PCBD2: variants seen among roughly 807,000 people sequenced by gnomAD.
The protein encoded by PCBD2 is pterin-4-alpha-carbinolamine dehydratase 2.
PCBD2 carries 12 observed loss-of-function variants against 16.4 expected under a neutral mutation model. The observed-to-expected ratio is 0.73, with a 90% CI of 0.47 to 1.19. The LOEUF (loss-of-function observed/expected upper bound fraction) is 1.19, where lower values mean the gene tolerates loss of function less well. Ranked by LOEUF, PCBD2 falls within the 50% of genes most tolerant of loss-of-function variation. PCBD2 has a pLI of 0.00. For missense variants in PCBD2, 138 were observed against 156.8 expected (o/e 0.88, Z 0.64); for synonymous variants, 58 against 61.8 (o/e 0.94, Z 0.29).
At chr5:134,921,981 C>T (rs1055106360) in intron 2 of PCBD2, among the ~76,000 whole-genome samples, 5 of 152,236 alleles carry the variant, frequency 3.3e-5, no homozygotes, top group African/African-American at 1.2e-4. Context: ...AAGCTGCCCA[C>T]AGCCCAGCCC....
intron 2 of PCBD2, among the ~76,000 whole-genome samples, chr5:134,952,871 T>C (rs1198626174): frequency 6.6e-6 from 1 of 152,164 alleles, no homozygotes; most frequent in Non-Finnish European, 1.5e-5. Flanking sequence ...TTCCTATATT[T>C]CCTACATGGG....
At chr5:134,925,026 G>A (rs936663003) in intron 2 of PCBD2, 5 of 394,852 alleles carry the variant, frequency 1.3e-5, no homozygotes, top group Non-Finnish European at 2.2e-5. Flanking sequence ...TTGTCATTTG[G>A]GGGGTGGATG....
At chr5:134,935,284 C>G (rs1751145669) in intron 2 of PCBD2, among the ~76,000 whole-genome samples, 1 of 152,208 alleles carries the variant, frequency 6.6e-6, no homozygotes, top group East Asian at 1.9e-4. Flanking sequence ...CCTGACTGCG[C>G]CACTGCATCT....
chr5:134,959,973 C>T (rs953214598), intron 3 of PCBD2, among the ~76,000 whole-genome samples: 1 of 149,410 alleles, frequency 6.7e-6, no homozygotes, highest in African/African-American at 2.5e-5. Context: ...TCACTGCAGC[C>T]TCCACCTCCC....
At chr5:134,919,261 C>T (rs923929988) in intron 2 of PCBD2, among the ~76,000 whole-genome samples, 6 of 152,082 alleles carry the variant, frequency 3.9e-5, no homozygotes, top group Non-Finnish European at 7.4e-5. Flanking sequence ...TTTGAGCTGA[C>T]GTGAAAGGTA....
At chr5:134,947,389 A>ATTTTTT (rs1220114582) in intron 2 of PCBD2, among the ~76,000 whole-genome samples, 3 of 103,066 alleles carry the variant, frequency 2.9e-5, no homozygotes, top group African/African-American at 3.9e-5. Context: ...CCCGGCCTCA[A>ATTTTTT]TTTTTTTTTT....
intron 2 of PCBD2, among the ~76,000 whole-genome samples, chr5:134,941,743 G>A (rs1000568750): frequency 1.3e-5 from 2 of 152,068 alleles, no homozygotes; most frequent in Non-Finnish European, 2.9e-5. Flanking sequence ...GGAAAAAAGG[G>A]CACAGGGAAA....
chr5:134,935,156 T>C (rs1751144361), intron 2 of PCBD2, among the ~76,000 whole-genome samples: 1 of 152,224 alleles, frequency 6.6e-6, no homozygotes, highest in South Asian at 2.1e-4. Flanking sequence ...GATTCAGGTG[T>C]AGCTTATGTC....
In PCBD2 at chr5:134,905,234, A is replaced by T. The variant is rs571430043; in HGVS notation, c.84+11A>T. ...GGGCTAGCGGCCATGGTGAGTGCACAGCGGCCGCGTGGGTGGGGGTCCGGG... is the reference window on the plus strand; with the variant it reads ...GGGCTAGCGGCCATGGTGAGTGCACTGCGGCCGCGTGGGTGGGGGTCCGGG... On this transcript the variant is annotated intron_variant, in intron 1 of 3. Coordinates refer to ENST00000254908, the MANE Select transcript of PCBD2 (RefSeq NM_032151.5). The T allele has an allele frequency of 1.1e-3, 1,312 of 1,212,716 alleles. 1 individual carries two copies. Among genetic ancestry groups the T allele is most frequent in the Non-Finnish European group, 1.0e-3 (984 of 977,254 alleles). 75.1% of individuals were successfully genotyped at this position (1,212,716 alleles called of 1,614,324 possible).
At chr5:134,928,469 G>A (rs1000167554) in intron 2 of PCBD2, 4 of 324,446 alleles carry the variant, frequency 1.2e-5, no homozygotes, top group South Asian at 1.5e-4. Flanking sequence ...TAAGAGGGAC[G>A]ATGTGACTAT....
At chr5:134,914,608 G>A (rs1750805384) in intron 2 of PCBD2, among the ~76,000 whole-genome samples, 1 of 152,238 alleles carries the variant, frequency 6.6e-6, no homozygotes, top group South Asian at 2.1e-4. Flanking sequence ...GTCTCGGCAG[G>A]GTAGGGAAGT....
rs1561454491 is a variant in PCBD2 at position 134,962,107 on chromosome 5, T to TGTGTGTGTGTGTGTGTGTGTG, written c.*1426_*1427insGTGTGTGTGTGTGTGTGTGTG. Among the ~76,000 whole-genome samples, 9 of 150,420 alleles carry TGTGTGTGTGTGTGTGTGTGTG rather than the reference T, an allele frequency of 6.0e-5. No individual in the cohort carries two copies. The highest frequency in any genetic ancestry group is 2.0e-4 in the African/African-American group (8 of 41,000). Reference sequence around the variant, plus strand: ...GTGTGTGTGTGTGTGTGTGTGTGTGTTTGACACGGGGTCTCATTCTGTTGC... The same window carrying TGTGTGTGTGTGTGTGTGTGTG: ...GTGTGTGTGTGTGTGTGTGTGTGTGTGTGTGTGTGTGTGTGTGTGTGTTGACACGGGGTCTCATTCTGTTGC... On this transcript the variant is annotated 3_prime_UTR_variant, in exon 4 of 4. Transcript: ENST00000254908.
At chr5:134,946,243 C>T (rs1321517316) in intron 2 of PCBD2, among the ~76,000 whole-genome samples, 1 of 151,984 alleles carries the variant, frequency 6.6e-6, no homozygotes, top group African/African-American at 2.4e-5. Context: ...TTTGTGGTTT[C>T]CTTCAGCTCG....
At chr5:134,919,890 G>A (rs1750882054) in intron 2 of PCBD2, among the ~76,000 whole-genome samples, 1 of 152,152 alleles carries the variant, frequency 6.6e-6, no homozygotes, top group South Asian at 2.1e-4. Flanking sequence ...CATAGTTGTG[G>A]TGCTTTAGGG....
At chr5:134,933,483 A>C (rs185504209) in intron 2 of PCBD2, among the ~76,000 whole-genome samples, 9 of 152,172 alleles carry the variant, frequency 5.9e-5, no homozygotes, top group Admixed American at 3.9e-4. Flanking sequence ...CAGTCCACCC[A>C]CCTCAGCCTC....
intron 2 of PCBD2, among the ~76,000 whole-genome samples, chr5:134,942,028 G>A (rs984292802): frequency 6.6e-6 from 1 of 151,278 alleles, no homozygotes; most frequent in Non-Finnish European, 1.5e-5. Context: ...TACTTGGGGG[G>A]GCTGAGGCAG....
Position 134,960,798 on chromosome 5 carries a change from G to GCAACA in PCBD2, c.*118_*119insAACAC. 2 of 848,632 alleles carry GCAACA rather than the reference G, an allele frequency of 2.4e-6. No individual in the cohort carries two copies. The highest frequency in any genetic ancestry group is 3.7e-6 in the Non-Finnish European group (2 of 545,420). The allele number at this position is 848,632 out of a possible 1,614,324, so 52.6% of individuals were successfully genotyped here. ...TCTCTTTTTTTTAAGACAGAGTGTT[G>GCAACA]CTCTGTCGCCCAGGCCAGAGTGCAG... On this transcript the variant is annotated 3_prime_UTR_variant, in exon 4 of 4. Transcript: ENST00000254908.
At chr5:134,922,050 T>C (rs186750622) in intron 2 of PCBD2, among the ~76,000 whole-genome samples, 1 of 152,330 alleles carries the variant, frequency 6.6e-6, no homozygotes, top group African/African-American at 2.4e-5. Flanking sequence ...AGAACTGCAA[T>C]GTTCATGAGA....
intron 2 of PCBD2, among the ~76,000 whole-genome samples, chr5:134,944,406 C>T (rs140364313): frequency 1.3e-5 from 2 of 152,172 alleles, no homozygotes; most frequent in Admixed American, 6.5e-5. Context: ...ATAGGCATTT[C>T]GGTTTGGTTA....
Sources: allele counts gnomAD v4.1 joint callset (sites outside exome capture counted in the v4.1 genomes callset), GRCh38; gene constraint gnomAD v4.1.1; transcripts MANE v1.5; gene names NCBI Gene and HGNC (gene_info 2026-07-23, HGNC 2026-07-21).